The following FAM13A variants were observed in gnomAD, a reference collection of about 807,000 sequenced individuals.
FAM13A encodes the protein protein FAM13A.
In FAM13A, 76 loss-of-function variants were observed where a neutral mutation model predicts 129.6. The ratio of observed to expected loss-of-function variants is 0.59; its 90% CI spans 0.49 to 0.71. The LOEUF is 0.71. Among genes scored for constraint, FAM13A ranks in the 30% least tolerant of loss-of-function variants. The pLI is 0.00. For missense variants in FAM13A, 1,108 were observed against 1,249.3 expected (o/e 0.89, Z 1.70); for synonymous variants, 443 against 449.9 (o/e 0.98, Z 0.20).
At chr4:89,000,731 C>A (rs1357141848) in intron 3 of FAM13A, among the ~76,000 whole-genome samples, 1 of 152,088 alleles carries the variant, frequency 6.6e-6, no homozygotes, top group Non-Finnish European at 1.5e-5. Context: ...ACTTCAAAAT[C>A]AAGCATGGGA....
chr4:88,963,213 C>T (rs1032855879), intron 4 of FAM13A, among the ~76,000 whole-genome samples: 1 of 152,000 alleles, frequency 6.6e-6, no homozygotes, highest in Non-Finnish European at 1.5e-5. Flanking sequence ...CCAGACCCAA[C>T]AAACAACTTT....
At chr4:88,805,483 A>G (rs976955796) in intron 7 of FAM13A, among the ~76,000 whole-genome samples, 1 of 152,208 alleles carries the variant, frequency 6.6e-6, no homozygotes, top group Admixed American at 6.5e-5. Context: ...CACTTCAGGA[A>G]TGATTCCCTA....
Position 88,865,924 on chromosome 4 carries a change from C to T in FAM13A, c.844-14741G>A, listed in dbSNP as rs184991376. On this transcript the variant is annotated intron_variant, in intron 6 of 23. Coordinates refer to ENST00000264344, the MANE Select transcript of FAM13A (RefSeq NM_014883.4). Reference sequence around the variant, plus strand: ...TTTTTTTTTGAGACAGAGTCTCACTCTGTTGCCTAGGCTGGAGTGCAGTGG... The same window carrying T: ...TTTTTTTTTGAGACAGAGTCTCACTTTGTTGCCTAGGCTGGAGTGCAGTGG... 2.3e-3 allele frequency among the ~76,000 whole-genome samples: 261 copies of T among 112,904 alleles called. 2 individuals are homozygous for T. The highest frequency in any genetic ancestry group is 8.6e-3 in the African/African-American group (249 of 28,874). The allele number at this position is 112,904 out of a possible 152,430, so 74.1% of individuals were successfully genotyped here.
chr4:88,749,660 A>G (rs1742136031), intron 16 of FAM13A, 111 bp downstream of exon 16: 8 of 1,119,046 alleles, frequency 7.1e-6, no homozygotes, highest in Admixed American at 2.2e-5. Context: ...TTTTTGTTGT[A>G]AGATTCCCTA....
At chr4:88,834,819 G>A (rs571852881) in intron 7 of FAM13A, among the ~76,000 whole-genome samples, 3 of 152,224 alleles carry the variant, frequency 2.0e-5, no homozygotes, top group Admixed American at 6.5e-5. Flanking sequence ...TGAATACTTT[G>A]TTAATAAAAG....
chr4:88,951,732 C>T (rs1248179693), intron 4 of FAM13A, among the ~76,000 whole-genome samples: 1 of 152,188 alleles, frequency 6.6e-6, no homozygotes, highest in African/African-American at 2.4e-5. Context: ...TCTCTCCCAT[C>T]AAAATCAATT....
Position 88,727,216 on chromosome 4 carries a change from C to A in FAM13A, c.*1317G>T, listed in dbSNP as rs910662550. On this transcript the variant is annotated 3_prime_UTR_variant, in exon 24 of 24. Coordinates refer to ENST00000264344, the MANE Select transcript of FAM13A (RefSeq NM_014883.4). ...TGGCAGGCGAGCAGATGCCTGGGCTCGGCCTCGCAAAGCACAAAGGTGGAC... is the reference window on the plus strand; with the variant it reads ...TGGCAGGCGAGCAGATGCCTGGGCTAGGCCTCGCAAAGCACAAAGGTGGAC... 1.7e-4 allele frequency: 26 copies of A among 152,644 alleles called. No individual in the cohort carries two copies. The highest frequency in any genetic ancestry group is 1.7e-3 in the Admixed American group (26 of 15,288). 9.5% of individuals were successfully genotyped at this position (152,644 alleles called of 1,614,324 possible).
intron 13 of FAM13A, among the ~76,000 whole-genome samples, chr4:88,764,886 A>T (rs549362458): frequency 2.0e-5 from 3 of 152,350 alleles, no homozygotes; most frequent in Non-Finnish European, 4.4e-5. Context: ...CTCTCATGAA[A>T]TAGAAATGGG....
intron 3 of FAM13A, among the ~76,000 whole-genome samples, chr4:89,008,117 T>C (rs1335247308): frequency 6.6e-6 from 1 of 152,028 alleles, no homozygotes; most frequent in Non-Finnish European, 1.5e-5. Context: ...AGAGACTATC[T>C]AATTAACATC....
intron 7 of FAM13A, among the ~76,000 whole-genome samples, chr4:88,821,871 C>T (rs1288943577): frequency 6.6e-6 from 1 of 152,136 alleles, no homozygotes; most frequent in Non-Finnish European, 1.5e-5. Context: ...CTTGTTAGTA[C>T]AGTGAAGGAA....
chr4:88,858,152 G>A (rs1374674470), intron 6 of FAM13A, among the ~76,000 whole-genome samples: 1 of 152,160 alleles, frequency 6.6e-6, no homozygotes, highest in African/African-American at 2.4e-5. Context: ...TGGCCCCATG[G>A]TAGAGCCCCA....
intron 21 of FAM13A, among the ~76,000 whole-genome samples, chr4:88,736,205 C>A (rs1426927978): frequency 1.3e-5 from 2 of 152,142 alleles, no homozygotes; most frequent in Admixed American, 1.3e-4. Context: ...ATTTCAAGTA[C>A]CGTGTTTACA....
intron 3 of FAM13A, among the ~76,000 whole-genome samples, chr4:89,011,816 G>T (rs372967561): frequency 2.0e-4 from 30 of 152,164 alleles, no homozygotes; most frequent in African/African-American, 6.3e-4. Context: ...ATCCAGGCTG[G>T]TTTTCTTCCC....
intron 6 of FAM13A, among the ~76,000 whole-genome samples, chr4:88,879,033 G>A (rs1378364163): frequency 6.6e-6 from 1 of 152,146 alleles, no homozygotes; most frequent in East Asian, 1.9e-4. Flanking sequence ...ATATAAAACG[G>A]TCTTTAGAAT....
chr4:88,838,104 T>A (rs888788694), intron 7 of FAM13A, among the ~76,000 whole-genome samples: 16 of 152,338 alleles, frequency 1.1e-4, no homozygotes, highest in African/African-American at 3.6e-4. Flanking sequence ...CAGGAAGATG[T>A]GCATAGGTTA....
chr4:89,012,859 C>A (rs2464511), intron 3 of FAM13A, among the ~76,000 whole-genome samples: 15,945 of 151,322 alleles, frequency 0.11, 908 homozygotes, highest in African/African-American at 0.15. Flanking sequence ...CAAAGGCCTA[C>A]AACAACATTA....
intron 6 of FAM13A, among the ~76,000 whole-genome samples, chr4:88,853,606 G>A (rs912538304): frequency 8.5e-5 from 13 of 152,138 alleles, no homozygotes; most frequent in African/African-American, 3.1e-4. Flanking sequence ...GCAAGCACAA[G>A]GACAGTTGTT....
At chr4:88,908,236 C>T (rs939966198) in intron 5 of FAM13A, among the ~76,000 whole-genome samples, 3 of 152,196 alleles carry the variant, frequency 2.0e-5, no homozygotes, top group Non-Finnish European at 2.9e-5. Context: ...AACCCATTCC[C>T]GCTTCTGACT....
At chr4:88,926,235 C>T (rs58913989) in intron 5 of FAM13A, among the ~76,000 whole-genome samples, 276 of 152,156 alleles carry the variant, frequency 1.8e-3, no homozygotes, top group Middle Eastern at 0.01. Flanking sequence ...ACCCCCCATC[C>T]CTGGAAGGAT....
Sources: allele counts gnomAD v4.1 joint callset (sites outside exome capture counted in the v4.1 genomes callset), GRCh38; gene constraint gnomAD v4.1.1; transcripts MANE v1.5; gene names NCBI Gene and HGNC (gene_info 2026-07-23, HGNC 2026-07-21).